The following MYO6 variants were observed in gnomAD, a reference collection of about 807,000 sequenced individuals.
MYO6 encodes the protein myosin VI.
In MYO6, 74 loss-of-function variants were observed where a neutral mutation model predicts 178.7. The observed-to-expected ratio is 0.41, with a 90% confidence interval of 0.34 to 0.50. MYO6 has a LOEUF of 0.50. Among genes scored for constraint, MYO6 ranks in the 20% least tolerant of loss-of-function variants. MYO6 has a pLI of 0.09. For synonymous variants in MYO6, 477 were observed against 504.6 expected, an observed-to-expected ratio of 0.95 and a Z score of 0.73; for missense variants, 1,330 against 1,547.4, an observed-to-expected ratio of 0.86 and a Z score of 2.36.
rs574698191 is a variant in MYO6, at chr6:75,900,495, A to G, written c.3176+2084A>G. Among the ~76,000 whole-genome samples the G allele has an allele frequency of 2.0e-5, 3 of 152,300 alleles. No individual in the cohort carries two copies. In the South Asian group the frequency reaches 6.2e-4, roughly 32 times the overall value. ...ATTTCTCTGATGGCCAGTGATGGTG[A>G]GCATTTTTTCATGTTTTTTTTGGCT... On this transcript the variant is annotated intron_variant, in intron 30 of 34. Coordinates refer to ENST00000369977, the MANE Select transcript of MYO6 (RefSeq NM_004999.4).
chr6:75,806,044 TG>T (rs1770045243), intron 1 of MYO6, among the ~76,000 whole-genome samples: 1 of 152,072 alleles, frequency 6.6e-6, no homozygotes, highest in Non-Finnish European at 1.5e-5. Context: ...TCATCTTTGG[TG>T]GGGTGAATAA....
chr6:75,874,345 G>A (rs928655473), intron 20 of MYO6, among the ~76,000 whole-genome samples: 1 of 152,248 alleles, frequency 6.6e-6, no homozygotes, highest in Non-Finnish European at 1.5e-5. Context: ...TAAATTCATC[G>A]TCATTATCTT....
intron 1 of MYO6, among the ~76,000 whole-genome samples, chr6:75,788,766 T>G (rs1193278768): frequency 6.6e-6 from 1 of 152,196 alleles, no homozygotes; most frequent in East Asian, 1.9e-4. Flanking sequence ...AGAAGCCATT[T>G]GAGCTAAAGC....
At chr6:75,839,323 G>T (rs1295397820) in intron 7 of MYO6, among the ~76,000 whole-genome samples, 3 of 151,930 alleles carry the variant, frequency 2.0e-5, no homozygotes, top group African/African-American at 7.3e-5. Flanking sequence ...CATGTAGCTG[G>T]GACTACAGGC....
At chr6:75,906,960 C>T (rs577578426) in intron 30 of MYO6, among the ~76,000 whole-genome samples, 9 of 152,238 alleles carry the variant, frequency 5.9e-5, no homozygotes, top group African/African-American at 2.2e-4. Flanking sequence ...TAGAACTTTT[C>T]TAAGTGTTCT....
Position 75,879,925 on chromosome 6 carries a change from G to A in MYO6, c.2183G>A (p.Arg728Lys), listed in dbSNP as rs375260669. The change falls in exon 21 of 35, where the codon AGA (arginine) becomes AAA (lysine). Residue 728 changes from arginine (R) to lysine (K), a missense_variant. Around this residue, in one of 3 missense-constraint regions of MYO6, gnomAD observed 613 missense variants for 816.8 expected, o/e 0.75. Transcript: ENST00000369977. ...YKKYMPDKLA[R>K]LDPRLFCKAL... ...AAGTATATGCCAGATAAACTTGCAA[G>A]ATTGGATCCAAGACTATTTTGTAAG... 1.2e-6 allele frequency: 2 copies of A among 1,614,138 alleles called. No individual in the cohort carries two copies. Among genetic ancestry groups the A allele is most frequent in the Non-Finnish European group, 1.7e-6 (2 of 1,180,006 alleles).
At chr6:75,813,013 C>G (rs1464430139) in intron 1 of MYO6, among the ~76,000 whole-genome samples, 1 of 152,114 alleles carries the variant, frequency 6.6e-6, no homozygotes, top group Non-Finnish European at 1.5e-5. Context: ...TTTTAAGGAA[C>G]CTGCAAACTG....
At chr6:75,829,838 A>T in intron 4 of MYO6, among the ~76,000 whole-genome samples, 1 of 152,146 alleles carries the variant, frequency 6.6e-6, no homozygotes, top group Non-Finnish European at 1.5e-5. Context: ...AATGGTTAAC[A>T]TATATTGTTT....
intron 1 of MYO6, among the ~76,000 whole-genome samples, chr6:75,783,723 T>A (rs1767229287): frequency 6.6e-6 from 1 of 152,142 alleles, no homozygotes; most frequent in Non-Finnish European, 1.5e-5. Flanking sequence ...ACCTATCATT[T>A]TGATGATCAT....
rs182783760 is a variant in MYO6, at chr6:75,850,160, G to A, written c.1078+1629G>A. On this transcript the variant is annotated intron_variant, in intron 11 of 34. Coordinates refer to ENST00000369977, the MANE Select transcript of MYO6 (RefSeq NM_004999.4). ...CAAAGTAAGTCCTGATACAGGAAAT[G>A]AGTGAGTTTCACAGCTTCCTGAGCC... Among the ~76,000 whole-genome samples the A allele has an allele frequency of 2.2e-3, 338 of 152,140 alleles. 1 individual carries two copies. Among genetic ancestry groups the A allele is most frequent in the Admixed American group, 3.3e-3 (51 of 15,264 alleles).
At chr6:75,796,951 T>C (rs1463250571) in intron 1 of MYO6, among the ~76,000 whole-genome samples, 1 of 152,204 alleles carries the variant, frequency 6.6e-6, no homozygotes, top group East Asian at 1.9e-4. Context: ...TATTCCATGG[T>C]GTATGTGTAC....
intron 20 of MYO6, among the ~76,000 whole-genome samples, chr6:75,877,272 CTT>C (rs767503028): frequency 7.0e-6 from 1 of 143,138 alleles, no homozygotes; most frequent in Non-Finnish European, 1.5e-5. Flanking sequence ...CGCGCCTCGT[CTT>C]TTTTTTTTTT....
intron 32 of MYO6, among the ~76,000 whole-genome samples, chr6:75,909,200 T>C (rs1366296054): frequency 1.3e-5 from 2 of 152,204 alleles, no homozygotes; most frequent in East Asian, 1.9e-4. Context: ...CTTTTTCTAA[T>C]TTTTAAAATT....
At chr6:75,861,335 A>T (rs1020634740) in intron 15 of MYO6, among the ~76,000 whole-genome samples, 2 of 152,144 alleles carry the variant, frequency 1.3e-5, no homozygotes, top group African/African-American at 4.8e-5. Flanking sequence ...TTTCCTATTT[A>T]AATAGTTAGC....
intron 24 of MYO6, 64 bp from the exon 25 acceptor site, chr6:75,886,780 A>C: frequency 6.7e-7 from 1 of 1,494,956 alleles, no homozygotes; most frequent in Non-Finnish European, 9.3e-7. Context: ...CATTTTATAA[A>C]TGAAAAATCT....
chr6:75,783,598 C>T (rs1464802252), intron 1 of MYO6, among the ~76,000 whole-genome samples: 1 of 149,268 alleles, frequency 6.7e-6, no homozygotes, highest in Non-Finnish European at 1.5e-5. Context: ...CCACTTACCT[C>T]AGTAATGTTG....
chr6:75,886,158 T>C (rs1428825040), intron 24 of MYO6, 64 bp downstream of exon 24: 1 of 1,133,242 alleles, frequency 8.8e-7, no homozygotes, highest in Non-Finnish European at 1.3e-6. Context: ...AAAATGACAA[T>C]AAAGTCATAA....
In MYO6 at chr6:75,914,805, G is replaced by T; in HGVS notation, c.3659-8G>T. ...AGATGGTAATTTTCTGATATCTCATGAATACAGGTAAGGACGACATGGAGA... is the reference window on the plus strand; with the variant it reads ...AGATGGTAATTTTCTGATATCTCATTAATACAGGTAAGGACGACATGGAGA... On this transcript the variant is annotated splice_polypyrimidine_tract_variant and splice_region_variant and intron_variant, in intron 34 of 34. Transcript: ENST00000369977. 1 of 1,613,918 alleles carries T rather than the reference G, an allele frequency of 6.2e-7. No homozygotes were observed.
intron 1 of MYO6, among the ~76,000 whole-genome samples, chr6:75,780,816 C>CT (rs1012295485): frequency 2.8e-4 from 41 of 145,402 alleles, no homozygotes; most frequent in African/African-American, 6.8e-4. Flanking sequence ...TTTTTTTTTT[C>CT]TTTTTTTTTG....
Sources: allele counts gnomAD v4.1 joint callset (sites outside exome capture counted in the v4.1 genomes callset), GRCh38; gene constraint gnomAD v4.1.1; regional missense constraint gnomAD v4.1.1; transcripts MANE v1.5; gene names NCBI Gene and HGNC (gene_info 2026-07-23, HGNC 2026-07-21).